WHRN: variants seen among roughly 807,000 people sequenced by gnomAD.
WHRN encodes the protein whirlin.
A neutral mutation model predicts 68.3 loss-of-function variants in WHRN; 41 were observed. The ratio of observed to expected loss-of-function variants is 0.60; its 90% CI spans 0.47 to 0.78. The LOEUF is 0.78. Ranked by LOEUF, WHRN falls within the 30% of genes least tolerant of loss-of-function variation. The pLI is 0.00. For synonymous variants in WHRN, 560 were observed against 561.3 expected (o/e 1.00, Z 0.03); for missense variants, 1,243 against 1,244.7 (o/e 1.00, Z 0.02).
At chr9:114,452,133 T>A (rs10817615) in intron 3 of WHRN, among the ~76,000 whole-genome samples, 55,855 of 152,128 alleles carry the variant, frequency 0.37, 11,623 homozygotes, top group African/African-American at 0.56. Flanking sequence ...GAATAAAAAT[T>A]AAAATTAAAA....
At chr9:114,470,339 G>C (rs1841100367) in intron 2 of WHRN, among the ~76,000 whole-genome samples, 2 of 152,112 alleles carry the variant, frequency 1.3e-5, no homozygotes, top group Admixed American at 6.6e-5. Context: ...CATGTGCTAA[G>C]CCCACACACA....
chr9:114,438,697 C>G (rs538484593), intron 3 of WHRN, among the ~76,000 whole-genome samples: 2 of 151,930 alleles, frequency 1.3e-5, no homozygotes, highest in East Asian at 3.9e-4. Context: ...ATGATCCGCC[C>G]GCCTTGGCCT....
chr9:114,438,515 C>G (rs1342354159), intron 3 of WHRN, among the ~76,000 whole-genome samples: 1 of 148,152 alleles, frequency 6.7e-6, no homozygotes, highest in Non-Finnish European at 1.5e-5. Context: ...TGCAGTGGCG[C>G]AATCTTGGCT....
At chr9:114,462,333 T>C (rs1238997445) in intron 3 of WHRN, among the ~76,000 whole-genome samples, 2 of 152,154 alleles carry the variant, frequency 1.3e-5, no homozygotes, top group Non-Finnish European at 2.9e-5. Flanking sequence ...ATTTTTGCTC[T>C]ATGTAAAGAG....
chr9:114,446,494 T>C (rs1838830226), intron 3 of WHRN, among the ~76,000 whole-genome samples: 1 of 152,204 alleles, frequency 6.6e-6, no homozygotes, highest in Non-Finnish European at 1.5e-5. Context: ...GTGAATTTTA[T>C]AGCATATGAA....
intron 7 of WHRN, among the ~76,000 whole-genome samples, chr9:114,417,243 T>G (rs1379567974): frequency 6.6e-6 from 1 of 152,222 alleles, no homozygotes; most frequent in Non-Finnish European, 1.5e-5. Flanking sequence ...ACATTTAACC[T>G]GGGATCAATA....
At chr9:114,415,197 A>G (rs1386568032) in intron 7 of WHRN, among the ~76,000 whole-genome samples, 2 of 151,906 alleles carry the variant, frequency 1.3e-5, no homozygotes, top group Non-Finnish European at 2.9e-5. Flanking sequence ...GTTACTCAGG[A>G]GGCTGAGGTG....
At chr9:114,434,272 G>A (rs1362927880) in intron 3 of WHRN, among the ~76,000 whole-genome samples, 1 of 152,168 alleles carries the variant, frequency 6.6e-6, no homozygotes, top group Non-Finnish European at 1.5e-5. Context: ...GAAGCTACTT[G>A]CCCAAGGACA....
chr9:114,498,728 C>T (rs1055401513), intron 1 of WHRN, among the ~76,000 whole-genome samples: 3 of 152,178 alleles, frequency 2.0e-5, no homozygotes, highest in Non-Finnish European at 4.4e-5. Flanking sequence ...GCATTGTCTT[C>T]CAGGAGGCTG....
intron 1 of WHRN, 52 bp from the exon 2 acceptor site, chr9:114,478,823 G>C: frequency 6.5e-7 from 1 of 1,538,780 alleles, no homozygotes; most frequent in South Asian, 1.2e-5. Context: ...CGGGGGTGTG[G>C]AGGAACACCC....
At chr9:114,447,118 T>C (rs1217213018) in intron 3 of WHRN, among the ~76,000 whole-genome samples, 1 of 152,170 alleles carries the variant, frequency 6.6e-6, no homozygotes, top group Non-Finnish European at 1.5e-5. Flanking sequence ...GGCTCATGTT[T>C]ACATGTCAGG....
chr9:114,487,552 C>T (rs527761431), intron 1 of WHRN, among the ~76,000 whole-genome samples: 1 of 152,184 alleles, frequency 6.6e-6, no homozygotes, highest in African/African-American at 2.4e-5. Flanking sequence ...TATCAATGGA[C>T]ATTTAGGGTG....
chr9:114,424,248 T>C (rs766319670), intron 6 of WHRN, 86 bp downstream of exon 6: 1 of 1,500,108 alleles, frequency 6.7e-7, no homozygotes, highest in Non-Finnish European at 9.3e-7. Flanking sequence ...TGACCCCTTG[T>C]AGGTTCTCAG....
intron 3 of WHRN, among the ~76,000 whole-genome samples, chr9:114,437,228 T>G (rs1438986638): frequency 6.6e-6 from 1 of 152,094 alleles, no homozygotes; most frequent in African/African-American, 2.4e-5. Context: ...TAGAAAAAGA[T>G]AAATCATGCC....
chr9:114,485,056 G>C (rs1842371802), intron 1 of WHRN, among the ~76,000 whole-genome samples: 2 of 152,214 alleles, frequency 1.3e-5, no homozygotes, highest in Non-Finnish European at 2.9e-5. Context: ...AGATCACTGT[G>C]CTGAGGAGCA....
chr9:114,493,544 T>C (rs983513399), intron 1 of WHRN, among the ~76,000 whole-genome samples: 3 of 152,096 alleles, frequency 2.0e-5, no homozygotes, highest in African/African-American at 7.2e-5. Flanking sequence ...GAGACCCTCC[T>C]CTCATCCTTG....
At chr9:114,456,835 A>T (rs1194594086) in intron 3 of WHRN, among the ~76,000 whole-genome samples, 2 of 152,062 alleles carry the variant, frequency 1.3e-5, no homozygotes, top group Non-Finnish European at 2.9e-5. Flanking sequence ...TCAAAAAAAA[A>T]AAAAAAAGTA....
At chr9:114,497,201 A>C (rs1419686610) in intron 1 of WHRN, among the ~76,000 whole-genome samples, 3 of 152,178 alleles carry the variant, frequency 2.0e-5, no homozygotes, top group Non-Finnish European at 4.4e-5. Flanking sequence ...TGTTTATGGA[A>C]GGCTGATATA....
At chr9:114,424,602 GC>G in intron 5 of WHRN, 56 bp from the exon 6 acceptor site, 13 of 1,533,690 alleles carry the variant, frequency 8.5e-6, no homozygotes, top group Non-Finnish European at 1.2e-5. Flanking sequence ...GAGCTGAGTG[GC>G]CATGCCACTC....
Sources: allele counts gnomAD v4.1 joint callset (sites outside exome capture counted in the v4.1 genomes callset), GRCh38; gene constraint gnomAD v4.1.1; transcripts MANE v1.5; gene names NCBI Gene and HGNC (gene_info 2026-07-23, HGNC 2026-07-21).